Variants in ZNF536 observed in about 807,000 individuals in gnomAD.
The protein encoded by ZNF536 is zinc finger protein 536.
A neutral mutation model predicts 84.5 loss-of-function variants in ZNF536; 13 were observed. The observed-to-expected ratio is 0.15, with a 90% CI of 0.10 to 0.24. The LOEUF (loss-of-function observed/expected upper bound fraction) is 0.24. ZNF536 is among the 10% of genes least tolerant of loss of function. The pLI, the probability that ZNF536 is intolerant of heterozygous loss-of-function variation, is 1.00. For synonymous variants in ZNF536, 811 were observed against 742.5 expected (o/e 1.09, Z -1.50); for missense variants, 1,536 against 1,747.5 (o/e 0.88, Z 2.16).
intron 1 of ZNF536, among the ~76,000 whole-genome samples, chr19:30,653,760 C>T (rs557756852): frequency 1.4e-4 from 21 of 152,112 alleles, no homozygotes; most frequent in East Asian, 5.8e-4. Flanking sequence ...TTCCCTTCTC[C>T]GCCAAGGGGT....
intron 2 of ZNF536, among the ~76,000 whole-genome samples, chr19:30,523,386 C>A (rs1405658915): frequency 1.3e-5 from 2 of 152,144 alleles, no homozygotes; most frequent in Non-Finnish European, 2.9e-5. Flanking sequence ...GTGACTATTC[C>A]CGTTTTGCAG....
chr19:30,625,356 C>A (rs535484997), intron 1 of ZNF536, among the ~76,000 whole-genome samples: 2 of 152,300 alleles, frequency 1.3e-5, no homozygotes, highest in South Asian at 4.1e-4. Context: ...GAACACCATT[C>A]TAATCTAGGA....
chr19:30,312,384 ACT>A (rs2046535932), intron 2 of ZNF536, among the ~76,000 whole-genome samples: 1 of 152,104 alleles, frequency 6.6e-6, no homozygotes, highest in Non-Finnish European at 1.5e-5. Context: ...TGCCTCCTCC[ACT>A]TCCTTCTCTC....
chr19:30,638,989 A>G (rs1221372713), intron 1 of ZNF536, among the ~76,000 whole-genome samples: 2 of 152,082 alleles, frequency 1.3e-5, no homozygotes, highest in East Asian at 1.9e-4. Flanking sequence ...CTTGTCATCT[A>G]TTTTCTTAAA....
At position 30,311,150 on chromosome 19, in the gene ZNF536, G is replaced by C. The variant is rs1386326804; in HGVS notation, c.-120+27009G>C. Among the ~76,000 whole-genome samples, 5 of 152,142 alleles carry C rather than the reference G, an allele frequency of 3.3e-5. No individual in the cohort carries two copies. In the East Asian group the frequency reaches 9.7e-4, roughly 29 times the overall value. On this transcript the variant is annotated intron_variant, in intron 2 of 5. Coordinates refer to the ZNF536 transcript ENST00000585628. ...CCTCCAGTGACTGCCTGCCTCTAGAGGGGCCTCTCTGTGCTTCCTGGGGCT... is the reference window on the plus strand; with the variant it reads ...CCTCCAGTGACTGCCTGCCTCTAGACGGGCCTCTCTGTGCTTCCTGGGGCT...
In ZNF536 at chr19:30,469,955, G is replaced by T. The variant is rs2053564526; in HGVS notation, c.2170+24223G>T. ...ATAATATTTAGCTGACGGCAAGGAA[G>T]CCAGAGAAATCAGCAGCAACAGTGG... On this transcript the variant is annotated intron_variant, in intron 2 of 4. Coordinates refer to ENST00000355537, the MANE Select transcript of ZNF536 (RefSeq NM_014717.3). Among the ~76,000 whole-genome samples, 2 of 152,216 alleles carry T rather than the reference G, an allele frequency of 1.3e-5. 1 individual carries two copies. Among genetic ancestry groups the T allele is most frequent in the South Asian group, 4.1e-4 (2 of 4,826 alleles).
intron 1 of ZNF536, among the ~76,000 whole-genome samples, chr19:30,394,638 G>A (rs1453101596): frequency 3.3e-5 from 5 of 152,164 alleles, no homozygotes; most frequent in East Asian, 1.9e-4. Flanking sequence ...TCCATCTCTG[G>A]TGGTAATTGT....
chr19:30,668,814 T>C (rs1432997774), intron 1 of ZNF536, among the ~76,000 whole-genome samples: 2 of 152,306 alleles, frequency 1.3e-5, no homozygotes, highest in East Asian at 3.9e-4. Flanking sequence ...CATTCCACCT[T>C]CTCTAAGCCA....
At chr19:30,662,620 T>C (rs1037328790) in intron 1 of ZNF536, among the ~76,000 whole-genome samples, 9 of 152,254 alleles carry the variant, frequency 5.9e-5, no homozygotes, top group Middle Eastern at 3.4e-3. Context: ...TAATACCTGG[T>C]GGTGACTGAG....
chr19:30,430,727 T>G (rs2051419489), intron 1 of ZNF536, among the ~76,000 whole-genome samples: 1 of 152,122 alleles, frequency 6.6e-6, no homozygotes. Flanking sequence ...CAGGCTAGAG[T>G]GCAGTGGTGC....
At chr19:30,404,427 C>CAGGCA (rs1238234776) in intron 1 of ZNF536, among the ~76,000 whole-genome samples, 2 of 152,192 alleles carry the variant, frequency 1.3e-5, no homozygotes, top group Non-Finnish European at 2.9e-5. Flanking sequence ...CATGTGGAGA[C>CAGGCA]AGGCAGTCTG....
At chr19:30,258,091 C>A (rs553895078) in intron 1 of ZNF536, among the ~76,000 whole-genome samples, 14 of 152,178 alleles carry the variant, frequency 9.2e-5, no homozygotes, top group Non-Finnish European at 1.6e-4. Context: ...TCTCCACTGG[C>A]TGCCATTTTG....
chr19:30,557,368 A>C lies in ZNF536; in HGVS notation c.*204A>C. On this transcript the variant is annotated 3_prime_UTR_variant, in exon 5 of 5. Coordinates refer to ENST00000355537, the MANE Select transcript of ZNF536 (RefSeq NM_014717.3). ...TATAGCAGAGAATCAGAGGCTAAAA[A>C]TATTACCCCATATGTTCCAGTATTA... 2.1e-6 allele frequency: 1 copy of C among 483,584 alleles called. No individual in the cohort carries two copies. The highest frequency in any genetic ancestry group is 3.7e-6 in the Non-Finnish European group (1 of 271,394). 30.0% of individuals were successfully genotyped at this position (483,584 alleles called of 1,614,324 possible).
rs372392935 is a variant in ZNF536 at position 30,625,283 on chromosome 19, T to C, written c.169+75769T>C. Reference sequence around the variant, plus strand: ...CCCCAATCAGGGAGTCATGATCACTTGACCAACAGAGGCCCAAGAAGCATT... The same window carrying C: ...CCCCAATCAGGGAGTCATGATCACTCGACCAACAGAGGCCCAAGAAGCATT... On this transcript the variant is annotated intron_variant, in intron 1 of 1. Transcript: ENST00000592773. 1.2e-4 allele frequency among the ~76,000 whole-genome samples: 18 copies of C among 152,314 alleles called. No homozygotes were observed. In the East Asian group the frequency reaches 2.1e-3, roughly 18 times the overall value.
At chr19:30,674,165 T>C (rs2050668174) in intron 1 of ZNF536, among the ~76,000 whole-genome samples, 2 of 152,164 alleles carry the variant, frequency 1.3e-5, no homozygotes, top group South Asian at 4.1e-4. Context: ...GAGGAGCAGG[T>C]TGGCGGGGTG....
intron 1 of ZNF536, among the ~76,000 whole-genome samples, chr19:30,244,480 T>C (rs998646501): frequency 3.3e-5 from 5 of 152,350 alleles, no homozygotes; most frequent in Middle Eastern, 3.4e-3. Flanking sequence ...GCTTTAATTG[T>C]CTTATTGACA....
chr19:30,444,376 G>A lies in ZNF536; in HGVS notation c.814G>A (p.Ala272Thr). 3 of 1,604,260 alleles carry A rather than the reference G, an allele frequency of 1.9e-6. No homozygotes were observed. The highest frequency in any genetic ancestry group is 2.5e-6 in the Non-Finnish European group (3 of 1,179,534). The change falls in exon 2 of 5, where the codon GCG (alanine) becomes ACG (threonine). Residue 272 changes from alanine to threonine, a missense_variant. This residue lies in a region of ZNF536 where 138 missense variants were observed against 136.8 expected (regional missense o/e 1.01). Coordinates refer to ENST00000355537, the MANE Select transcript of ZNF536 (RefSeq NM_014717.3). ...SVQEDAVAPA[A>T]GFRCTFCKGK... ...GCAGGAGGACGCGGTGGCCCCGGCGGCGGGCTTCCGCTGTACCTTCTGCAA... is the reference window on the plus strand; with the variant it reads ...GCAGGAGGACGCGGTGGCCCCGGCGACGGGCTTCCGCTGTACCTTCTGCAA...
At chr19:30,476,933 CT>C (rs1407219380) in intron 2 of ZNF536, among the ~76,000 whole-genome samples, 1 of 151,910 alleles carries the variant, frequency 6.6e-6, no homozygotes, top group Non-Finnish European at 1.5e-5. Flanking sequence ...GCCTTGGGGC[CT>C]TTGCACTTCC....
At chr19:30,378,457 G>A (rs1049788198) in intron 1 of ZNF536, among the ~76,000 whole-genome samples, 2 of 152,158 alleles carry the variant, frequency 1.3e-5, no homozygotes, top group Non-Finnish European at 2.9e-5. Flanking sequence ...CACCATGTCT[G>A]GCTAATTTTT....
Sources: allele counts gnomAD v4.1 joint callset (sites outside exome capture counted in the v4.1 genomes callset), GRCh38; gene constraint gnomAD v4.1.1; regional missense constraint gnomAD v4.1.1; transcripts MANE v1.5; gene names NCBI Gene and HGNC (gene_info 2026-07-23, HGNC 2026-07-21).